POM121: variants seen among roughly 807,000 people sequenced by gnomAD.
The protein encoded by POM121 is POM121 transmembrane nucleoporin, also known as nuclear envelope pore membrane protein POM 121.
POM121 carries 32 observed loss-of-function variants against 81.3 expected under a neutral mutation model. The observed-to-expected ratio is 0.39, with a 90% CI of 0.30 to 0.53. POM121 has a LOEUF of 0.53. POM121 is among the 20% of genes least tolerant of loss of function. The pLI, the probability that POM121 is intolerant of heterozygous loss-of-function variation, is 0.66. For missense variants in POM121, 1,138 were observed against 1,614.6 expected (o/e 0.70, Z 5.06); for synonymous variants, 514 against 694.2 (o/e 0.74, Z 4.08).
Position 72,905,369 on chromosome 7 carries a change from CAG to C in POM121, c.-215-8394_-215-8393del, listed in dbSNP as rs559245527. On this transcript the variant is annotated intron_variant, in intron 3 of 15. Transcript: ENST00000395270. ...ATTTAGTTTAATTCTTTTACGGTCA[CAG>C]AACATATTTTGTATGATTTCAGTTA... Among the ~76,000 whole-genome samples, 334 of 152,264 alleles carry C rather than the reference CAG, an allele frequency of 2.2e-3. 3 individuals are homozygous for C. Among genetic ancestry groups the C allele is most frequent in the Non-Finnish European group, 3.7e-3 (255 of 68,020 alleles).
Position 72,945,700 on chromosome 7 carries a change from C to A in POM121, c.3644C>A (p.Ala1215Glu). Residue 1215 changes from alanine to glutamate, a missense_variant, in exon 12 of 13, where the codon GCA becomes GAA. Physicochemically the swap from Ala to Glu is moderately radical, Grantham distance 107. Transcript: ENST00000434423. ...CCCGCCCAAGGCTTTGTTGGTGTTG[C>A]ACCTTTCGGTAAGCAGCAAGCCACC... The part of the protein sequence containing the change: ...SAPAQGFVGV[A>E]PFGSAALSFS... 1 of 1,609,724 alleles carries A rather than the reference C, an allele frequency of 6.2e-7. No homozygotes were observed. The highest frequency in any genetic ancestry group is 8.5e-7 in the Non-Finnish European group (1 of 1,178,060).
rs541258768 is a variant in POM121 at position 72,915,838 on chromosome 7, A to G, written c.-152+2010A>G. Reference sequence around the variant, plus strand: ...TAGGCGCCCACCACCATGCCAGGCTAATTTTTGTGTTTTTAGTAGAGTAAT... The same window carrying G: ...TAGGCGCCCACCACCATGCCAGGCTGATTTTTGTGTTTTTAGTAGAGTAAT... On this transcript the variant is annotated intron_variant, in intron 4 of 15. Transcript: ENST00000395270. 2.1e-4 allele frequency among the ~76,000 whole-genome samples: 32 copies of G among 151,882 alleles called. 1 individual carries two copies. The highest frequency in any genetic ancestry group is 7.5e-4 in the African/African-American group (31 of 41,400).
chr7:72,949,531 T>C (rs782620625), downstream of POM121: 93 of 911,048 alleles, frequency 1.0e-4, 1 homozygote, highest in South Asian at 4.1e-4. Flanking sequence ...TGAGCATGCA[T>C]GGAGCAGCTA....
intron 5 of POM121, among the ~76,000 whole-genome samples, chr7:72,933,227 G>A (rs1325778163): frequency 1.3e-5 from 2 of 152,058 alleles, no homozygotes; most frequent in African/African-American, 4.8e-5. Context: ...GGTCGTGTGT[G>A]CCTGTAATCC....
chr7:72,942,915 C>A lies in POM121; in HGVS notation c.2922C>A (p.Ala974=). 6.2e-7 allele frequency: 1 copy of A among 1,601,360 alleles called. No individual in the cohort carries two copies. Among genetic ancestry groups the A allele is most frequent in the Non-Finnish European group, 8.5e-7 (1 of 1,174,356 alleles). ...PGANPQPAFG[A]AEGQPPGAAK... ...CCAACCCCCAGCCCGCATTTGGGGC[C>A]GCTGAGGGGCAGCCACCGGGGGCCG... The change falls in exon 11 of 13, where the codon GCC becomes GCA. Residue 974 remains alanine (A), a synonymous_variant. Transcript: ENST00000434423.
At chr7:72,925,820 A>C in intron 1 of POM121, 55 bp downstream of exon 1, 1 of 1,305,830 alleles carries the variant, frequency 7.7e-7, no homozygotes, top group South Asian at 2.1e-5. Flanking sequence ...CTTGAAATCG[A>C]GGACTTGACT....
intron 3 of POM121, among the ~76,000 whole-genome samples, chr7:72,911,788 T>C (rs1793831165): frequency 6.6e-6 from 1 of 152,220 alleles, no homozygotes; most frequent in Admixed American, 6.5e-5. Flanking sequence ...TGGTGCTTGT[T>C]GTTATATCCC....
At chr7:72,900,582 G>A (rs1447580955) in intron 3 of POM121, among the ~76,000 whole-genome samples, 1 of 152,090 alleles carries the variant, frequency 6.6e-6, no homozygotes, top group African/African-American at 2.4e-5. Flanking sequence ...TTGGCTCACT[G>A]CAACCTCCAC....
At chr7:72,948,665 C>T (rs1797874673), downstream of POM121, 3 of 1,605,636 alleles carry the variant, frequency 1.9e-6, no homozygotes, top group Non-Finnish European at 2.6e-6. Context: ...CCCACTCACT[C>T]ACGTCGGCAT....
At chr7:72,899,570 A>G (rs1792357489) in intron 3 of POM121, among the ~76,000 whole-genome samples, 2 of 146,718 alleles carry the variant, frequency 1.4e-5, no homozygotes, top group South Asian at 4.3e-4. Context: ...CCTGCTTGAT[A>G]TTACATTTTT....
chr7:72,920,556 A>T (rs372315348), upstream of POM121, among the ~76,000 whole-genome samples: 1 of 151,846 alleles, frequency 6.6e-6, no homozygotes, highest in East Asian at 1.9e-4. Context: ...GGGTTTCACC[A>T]TGTTAGCCAG....
chr7:72,938,167 TA>T (rs1212434973), intron 5 of POM121, among the ~76,000 whole-genome samples: 1 of 152,146 alleles, frequency 6.6e-6, no homozygotes, highest in East Asian at 1.9e-4. Context: ...TCATAATTAA[TA>T]CTGGCAGTTG....
intron 3 of POM121, among the ~76,000 whole-genome samples, chr7:72,905,311 G>A (rs1291187474): frequency 6.6e-6 from 1 of 152,168 alleles, no homozygotes; most frequent in Non-Finnish European, 1.5e-5. Flanking sequence ...ATTTCCATGT[G>A]TTTAGAGATT....
At position 72,943,375 on chromosome 7, in the gene POM121, AGCTTTGG is replaced by A. The variant is rs1797326869; in HGVS notation, c.3383_3389del (p.Ser1128LysfsTer18). 6.2e-7 allele frequency: 1 copy of A among 1,613,128 alleles called. No individual in the cohort carries two copies. Among genetic ancestry groups the A allele is most frequent in the Non-Finnish European group, 8.5e-7 (1 of 1,179,758 alleles). On this transcript the variant is annotated frameshift_variant, in exon 11 of 13. Transcript: ENST00000434423. LOFTEE classifies it high-confidence loss of function. ...CTCCAGCACCACCACCGGAGCTTTC[AGCTTTGG>A]AGCAGGACAGAGTGGGAGCACAGCC...
At chr7:72,913,121 A>C (rs1480203338) in intron 3 of POM121, among the ~76,000 whole-genome samples, 1 of 152,250 alleles carries the variant, frequency 6.6e-6, no homozygotes, top group Non-Finnish European at 1.5e-5. Flanking sequence ...CTCTGGAGAC[A>C]AGACCAGCAG....
chr7:72,938,640 C>T lies in POM121; in HGVS notation c.1326C>T (p.Ser442=), dbSNP rs373020286. 1.9e-6 allele frequency: 3 copies of T among 1,604,684 alleles called. No homozygotes were observed. Among genetic ancestry groups the T allele is most frequent in the Non-Finnish European group, 2.6e-6 (3 of 1,171,546 alleles). The part of the protein sequence containing the change: ...PSSSPFSSPA[S]SRSQTPERPA... ...CATCACCCTTCTCTAGCCCAGCCTCCTCCCGCTCCCAGACACCGGAGAGGC... is the reference window on the plus strand; with the variant it reads ...CATCACCCTTCTCTAGCCCAGCCTCTTCCCGCTCCCAGACACCGGAGAGGC... Residue 442 remains serine (S), a synonymous_variant, in exon 6 of 13, where the codon TCC becomes TCT. Transcript: ENST00000434423.
intron 4 of POM121, among the ~76,000 whole-genome samples, chr7:72,929,301 C>T (rs530011064): frequency 5.9e-5 from 9 of 152,260 alleles, no homozygotes; most frequent in South Asian, 2.1e-4. Flanking sequence ...AAATAGGATC[C>T]GTGGGTGAAA....
intron 8 of POM121, 80 bp downstream of exon 8, chr7:72,940,048 T>C (rs1563166942): frequency 1.1e-5 from 17 of 1,541,946 alleles, no homozygotes; most frequent in Non-Finnish European, 8.7e-7. Context: ...AAGTTTCTTC[T>C]GATTTTTTTT....
intron 3 of POM121, among the ~76,000 whole-genome samples, chr7:72,910,669 C>T (rs2129576278): frequency 6.6e-6 from 1 of 151,764 alleles, no homozygotes; most frequent in Non-Finnish European, 1.5e-5. Flanking sequence ...GTATCTGGGG[C>T]AGGGGAAGGT....
Sources: allele counts gnomAD v4.1 joint callset (sites outside exome capture counted in the v4.1 genomes callset), GRCh38; gene constraint gnomAD v4.1.1; transcripts MANE v1.5; gene names NCBI Gene and HGNC (gene_info 2026-07-23, HGNC 2026-07-21).